TCERG1: variants seen among roughly 807,000 people sequenced by gnomAD.
The protein encoded by TCERG1 is transcription elongation regulator 1.
Under a neutral mutation model 144.7 loss-of-function variants are expected in TCERG1, and 37 were observed. The observed-to-expected ratio is 0.26, with a 90% CI of 0.20 to 0.34. TCERG1 has a LOEUF of 0.34. TCERG1 is among the 10% of genes least tolerant of loss of function. The probability of loss-of-function intolerance (pLI) is 1.00; values close to 1 mark genes in which losing one functional copy is unlikely to be tolerated. For synonymous variants in TCERG1, 492 were observed against 458.2 expected, an observed-to-expected ratio of 1.07 and a Z score of -0.94; for missense variants, 1,027 against 1,380.7, an observed-to-expected ratio of 0.74 and a Z score of 4.06.
At chr5:146,510,114 G>A (rs1176742144) in intron 22 of TCERG1, 2 of 1,312,598 alleles carry the variant, frequency 1.5e-6, no homozygotes, top group Non-Finnish European at 2.0e-6. Context: ...AAGATGCTGG[G>A]ATTGGCAGCC....
chr5:146,468,133 A>G (rs942826762), intron 5 of TCERG1, among the ~76,000 whole-genome samples: 3 of 152,188 alleles, frequency 2.0e-5, no homozygotes, highest in Non-Finnish European at 4.4e-5. Context: ...ATAAAAAGGT[A>G]ATTGATGGTA....
At chr5:146,484,443 A>G (rs1466581923) in intron 15 of TCERG1, among the ~76,000 whole-genome samples, 2 of 152,194 alleles carry the variant, frequency 1.3e-5, no homozygotes, top group Non-Finnish European at 2.9e-5. Flanking sequence ...GTAAGATTTC[A>G]TTTGGTAACA....
At chr5:146,475,177 T>C (rs1764718632) in intron 9 of TCERG1, among the ~76,000 whole-genome samples, 1 of 152,228 alleles carries the variant, frequency 6.6e-6, no homozygotes, top group Non-Finnish European at 1.5e-5. Flanking sequence ...AAGAAATAAA[T>C]GTTTTTCCTA....
At chr5:146,488,431 A>G (rs1167712464) in intron 15 of TCERG1, among the ~76,000 whole-genome samples, 1 of 152,212 alleles carries the variant, frequency 6.6e-6, no homozygotes, top group Non-Finnish European at 1.5e-5. Context: ...TGATCTGAAC[A>G]GACATTTCTC....
Position 146,478,672 on chromosome 5 carries a change from A to C in TCERG1, c.1762+19A>C. 1 of 1,552,978 alleles carries C rather than the reference A, an allele frequency of 6.4e-7. No individual in the cohort carries two copies. The highest frequency in any genetic ancestry group is 8.7e-7 in the Non-Finnish European group (1 of 1,154,154). ...AAACTAAGTAAGTTTTAAATTAGGA[A>C]TTTATCCACTGATTTTAACATTCTT... On this transcript the variant is annotated intron_variant, in intron 10 of 22. Transcript: ENST00000679501.
At chr5:146,495,133 A>G (rs528550356) in intron 16 of TCERG1, among the ~76,000 whole-genome samples, 2 of 152,312 alleles carry the variant, frequency 1.3e-5, no homozygotes, top group South Asian at 2.1e-4. Context: ...TTCTTTAATC[A>G]TAGTTTATGC....
intron 4 of TCERG1, among the ~76,000 whole-genome samples, chr5:146,462,481 ATTTTAGT>A (rs1159424399): frequency 2.6e-5 from 4 of 152,138 alleles, no homozygotes; most frequent in African/African-American, 9.7e-5. Context: ...TGAAATAAGG[ATTTTAGT>A]TTTTAGTTTG....
intron 15 of TCERG1, among the ~76,000 whole-genome samples, chr5:146,489,448 C>T (rs566787136): frequency 4.3e-4 from 66 of 152,184 alleles, no homozygotes; most frequent in African/African-American, 1.5e-3. Flanking sequence ...GACAGTATTA[C>T]AGTATGGTAA....
At chr5:146,508,506 C>T (rs1462181521) in intron 21 of TCERG1, among the ~76,000 whole-genome samples, 1 of 152,064 alleles carries the variant, frequency 6.6e-6, no homozygotes, top group Non-Finnish European at 1.5e-5. Context: ...AATATTCTTC[C>T]CCCTCAAAGT....
At chr5:146,489,117 T>G (rs1766144128) in intron 15 of TCERG1, among the ~76,000 whole-genome samples, 1 of 152,114 alleles carries the variant, frequency 6.6e-6, no homozygotes, top group Admixed American at 6.5e-5. Context: ...ATAGGAAGAT[T>G]AAGTCCTGGC....
At chr5:146,492,319 C>T (rs1031294405) in intron 15 of TCERG1, among the ~76,000 whole-genome samples, 2 of 152,110 alleles carry the variant, frequency 1.3e-5, no homozygotes, top group African/African-American at 4.8e-5. Flanking sequence ...CATCCTTTTC[C>T]ACTTGTCCCA....
intron 16 of TCERG1, 84 bp downstream of exon 16, chr5:146,493,122 T>G: frequency 9.6e-7 from 1 of 1,045,148 alleles, no homozygotes; most frequent in African/African-American, 1.7e-5. Flanking sequence ...AATAGATATT[T>G]TTTGACTATT....
At chr5:146,508,005 A>G in intron 21 of TCERG1, 49 bp downstream of exon 21, 1 of 1,397,462 alleles carries the variant, frequency 7.2e-7, no homozygotes, top group Non-Finnish European at 1.0e-6. Flanking sequence ...AAATACTTAA[A>G]TCGGGGCCTA....
At chr5:146,458,232 G>A (rs925558586) in intron 3 of TCERG1, among the ~76,000 whole-genome samples, 3 of 151,256 alleles carry the variant, frequency 2.0e-5, no homozygotes, top group African/African-American at 7.3e-5. Flanking sequence ...CTGGAGTGCA[G>A]TGGTGCGATC....
intron 9 of TCERG1, among the ~76,000 whole-genome samples, chr5:146,474,595 G>A (rs949482243): frequency 1.3e-5 from 2 of 152,116 alleles, no homozygotes; most frequent in African/African-American, 2.4e-5. Flanking sequence ...AATCTTTTGC[G>A]AAAGGGGGAG....
At chr5:146,486,070 T>C (rs565773005) in intron 15 of TCERG1, among the ~76,000 whole-genome samples, 2 of 152,228 alleles carry the variant, frequency 1.3e-5, no homozygotes, top group Admixed American at 1.3e-4. Context: ...AGTTAACATT[T>C]GGCATTTAAA....
chr5:146,487,484 C>T (rs779789139), intron 15 of TCERG1, among the ~76,000 whole-genome samples: 4 of 152,078 alleles, frequency 2.6e-5, no homozygotes, highest in Non-Finnish European at 4.4e-5. Flanking sequence ...AGGTGGCTCA[C>T]GCCTGTAATC....
chr5:146,494,849 C>G (rs917988016), intron 16 of TCERG1, among the ~76,000 whole-genome samples: 1 of 152,152 alleles, frequency 6.6e-6, no homozygotes, highest in African/African-American at 2.4e-5. Flanking sequence ...CTCCCACAGT[C>G]AGTTTCTGGT....
intron 16 of TCERG1, among the ~76,000 whole-genome samples, chr5:146,493,479 G>A (rs1339412875): frequency 6.6e-6 from 1 of 152,036 alleles, no homozygotes; most frequent in Non-Finnish European, 1.5e-5. Context: ...TTAAATACAT[G>A]TAATGGGCTG....
Sources: gnomAD v4.1 joint callset for allele counts (sites outside exome capture counted in the v4.1 genomes callset) on GRCh38, gnomAD v4.1.1 for gene constraint, MANE v1.5 for transcripts, NCBI Gene and HGNC (gene_info 2026-07-23, HGNC 2026-07-21) for gene names.